AUTS2: variants seen among roughly 807,000 people sequenced by gnomAD.
The protein encoded by AUTS2 is activator of transcription and developmental regulator AUTS2.
AUTS2 carries 17 observed loss-of-function variants against 112.4 expected under a neutral mutation model. The observed-to-expected ratio is 0.15, with a 90% confidence interval of 0.10 to 0.23. AUTS2 has a LOEUF of 0.23. Ranked by LOEUF, AUTS2 falls within the 10% of genes least tolerant of loss-of-function variation. The probability of loss-of-function intolerance (pLI) is 1.00; values close to 1 mark genes in which losing one functional copy is unlikely to be tolerated. For missense variants in AUTS2, 1,510 were observed against 1,701.6 expected (o/e 0.89, Z 1.98); for synonymous variants, 751 against 702.7 (o/e 1.07, Z -1.09).
intron 4 of AUTS2, among the ~76,000 whole-genome samples, chr7:70,415,541 CT>C (rs1414442070): frequency 1.3e-5 from 2 of 152,144 alleles, no homozygotes; most frequent in Non-Finnish European, 1.5e-5. Flanking sequence ...ATTAGTTCTA[CT>C]CATGCAGACA....
intron 5 of AUTS2, among the ~76,000 whole-genome samples, chr7:70,526,681 A>C (rs940519851): frequency 1.3e-5 from 2 of 152,060 alleles, no homozygotes; most frequent in African/African-American, 4.8e-5. Context: ...AAAATAAAAA[A>C]TCCTGCTTCT....
chr7:69,801,761 A>G (rs1790094981), intron 1 of AUTS2, among the ~76,000 whole-genome samples: 1 of 152,198 alleles, frequency 6.6e-6, no homozygotes, highest in Admixed American at 6.5e-5. Flanking sequence ...AACAAAACAG[A>G]CAACAATCTC....
chr7:69,933,421 G>A (rs141280659), intron 2 of AUTS2, among the ~76,000 whole-genome samples: 77 of 152,248 alleles, frequency 5.1e-4, no homozygotes, highest in African/African-American at 1.7e-3. Flanking sequence ...TTGAAACATG[G>A]ATAGGTCAGT....
At chr7:70,324,639 T>C (rs752272750) in intron 4 of AUTS2, among the ~76,000 whole-genome samples, 1 of 151,990 alleles carries the variant, frequency 6.6e-6, no homozygotes, top group African/African-American at 2.4e-5. Flanking sequence ...AAAATAATAA[T>C]TACAGGGTTG....
chr7:70,617,779 G>A (rs1241857052), intron 5 of AUTS2, among the ~76,000 whole-genome samples: 7 of 152,314 alleles, frequency 4.6e-5, no homozygotes, highest in East Asian at 3.9e-4. Context: ...ACTTTGTTAA[G>A]TTTGGGGACA....
intron 5 of AUTS2, among the ~76,000 whole-genome samples, chr7:70,642,204 T>C (rs1342188709): frequency 6.6e-6 from 1 of 152,230 alleles, no homozygotes; most frequent in African/African-American, 2.4e-5. Flanking sequence ...GCATTTTTGG[T>C]ATAATTTAAC....
chr7:70,462,033 C>T (rs1373651470), intron 5 of AUTS2, among the ~76,000 whole-genome samples: 1 of 152,108 alleles, frequency 6.6e-6, no homozygotes, highest in Non-Finnish European at 1.5e-5. Context: ...AGGCAGATCA[C>T]CTGAGGTCAG....
chr7:69,979,059 A>G (rs1364604726), intron 2 of AUTS2, among the ~76,000 whole-genome samples: 2 of 152,242 alleles, frequency 1.3e-5, no homozygotes, highest in Non-Finnish European at 2.9e-5. Flanking sequence ...GGAAATTTAC[A>G]TAATCATGAT....
intron 1 of AUTS2, among the ~76,000 whole-genome samples, chr7:69,645,835 C>T (rs894683116): frequency 5.3e-5 from 8 of 152,056 alleles, no homozygotes; most frequent in Non-Finnish European, 1.0e-4. Context: ...ATAAAAAACA[C>T]ATTTACATCT....
Position 69,599,794 on chromosome 7 carries a change from A to T in AUTS2, c.141A>T (p.Ser47=), listed in dbSNP as rs904301389. 1.9e-6 allele frequency: 3 copies of T among 1,580,720 alleles called. No individual in the cohort carries two copies. In the African/African-American group the frequency reaches 4.1e-5, roughly 22 times the overall value. The part of the protein sequence containing the change: ...GGGAGRTRAL[S]LASSSGSDKE... ...GGGCTGGCCGGACCCGGGCGCTCTC[A>T]CTCGCCTCGTCGTCGGGCTCCGACA... is the stretch of plus-strand genomic sequence containing the variant. The change falls in exon 1 of 19, where the codon TCA becomes TCT. Residue 47 remains serine (S), a synonymous_variant. Coordinates refer to ENST00000342771, the MANE Select transcript of AUTS2 (RefSeq NM_015570.4). This position sits in a 1 kb window ranked among gnomAD's most constrained non-coding sequence, Gnocchi z 7.0.
chr7:69,731,825 CAG>C (rs1786807701), intron 1 of AUTS2, among the ~76,000 whole-genome samples: 2 of 152,152 alleles, frequency 1.3e-5, no homozygotes, highest in South Asian at 4.1e-4. Flanking sequence ...GTCACTGGAA[CAG>C]AGTCAGGAGA....
chr7:70,732,934 A>T (rs1181935764), intron 6 of AUTS2, among the ~76,000 whole-genome samples: 1 of 152,154 alleles, frequency 6.6e-6, no homozygotes, highest in Non-Finnish European at 1.5e-5. Flanking sequence ...CCACAGAGGA[A>T]CTGTGGTTTA....
chr7:70,400,394 T>C (rs1369340958), intron 4 of AUTS2, among the ~76,000 whole-genome samples: 1 of 152,134 alleles, frequency 6.6e-6, no homozygotes, highest in Non-Finnish European at 1.5e-5. Context: ...AACCATATGA[T>C]CCTCCTGCCC....
chr7:69,759,061 C>A (rs557814139), intron 1 of AUTS2, among the ~76,000 whole-genome samples: 2 of 152,140 alleles, frequency 1.3e-5, no homozygotes, highest in Non-Finnish European at 2.9e-5. Context: ...TACCTGACAA[C>A]CCTACCAGAT....
chr7:70,700,120 T>A (rs1393748407), intron 6 of AUTS2, among the ~76,000 whole-genome samples: 1 of 152,196 alleles, frequency 6.6e-6, no homozygotes, highest in Non-Finnish European at 1.5e-5. Context: ...GATGAACAGC[T>A]CGCCTCTGCC....
In AUTS2 at chr7:70,609,464, G is replaced by A. The variant is rs552036456; in HGVS notation, c.691-89105G>A. 8.8e-5 allele frequency among the ~76,000 whole-genome samples: 13 copies of A among 147,518 alleles called. No individual in the cohort carries two copies. The East Asian group carries it at 2.2e-3, about 25-fold the overall frequency. Reference sequence around the variant, plus strand: ...GGCTGGAGTGCAGTGGTGTGATCTCGGCTTACTGCAAACTCTGCCTCCCAG... The same window carrying A: ...GGCTGGAGTGCAGTGGTGTGATCTCAGCTTACTGCAAACTCTGCCTCCCAG... On this transcript the variant is annotated intron_variant, in intron 5 of 18. Transcript: ENST00000342771.
intron 4 of AUTS2, among the ~76,000 whole-genome samples, chr7:70,164,603 C>A (rs984198368): frequency 2.6e-5 from 4 of 152,094 alleles, no homozygotes; most frequent in Non-Finnish European, 5.9e-5. Context: ...TCTAGACTCA[C>A]AAAAGACTAT....
intron 5 of AUTS2, among the ~76,000 whole-genome samples, chr7:70,619,775 C>T (rs892791093): frequency 6.6e-6 from 1 of 152,114 alleles, no homozygotes; most frequent in African/African-American, 2.4e-5. Context: ...GGGAATTTGC[C>T]TCTGTCAGCA....
In AUTS2 at chr7:70,165,889, C is replaced by T. The variant is rs932773978; in HGVS notation, c.660+31318C>T. ...ATCTCATTTCAAATTGTAATCCCCA[C>T]GTGTTGGAGGAAGGGCCTGGTGGGA... is the stretch of plus-strand genomic sequence containing the variant. On this transcript the variant is annotated intron_variant, in intron 4 of 18. Transcript: ENST00000342771. 6.6e-5 allele frequency among the ~76,000 whole-genome samples: 10 copies of T among 152,232 alleles called. No homozygotes were observed. In the East Asian group the frequency reaches 7.7e-4, roughly 12 times the overall value.
Sources: gnomAD v4.1 joint callset for allele counts (sites outside exome capture counted in the v4.1 genomes callset) on GRCh38, gnomAD v4.1.1 for gene constraint, Gnocchi (gnomAD v3.1) non-coding constraint, MANE v1.5 for transcripts, NCBI Gene and HGNC (gene_info 2026-07-23, HGNC 2026-07-21) for gene names.